DPYD: variants seen among roughly 807,000 people sequenced by gnomAD.
DPYD encodes the protein dihydropyrimidine dehydrogenase, also known as dihydropyrimidine dehydrogenase [NADP(+)].
DPYD carries 109 observed loss-of-function variants against 116.2 expected under a neutral mutation model. The observed-to-expected ratio is 0.94, with a 90% confidence interval of 0.80 to 1.10. The LOEUF (loss-of-function observed/expected upper bound fraction) is 1.10, where lower values mean the gene tolerates loss of function less well. Among genes scored for constraint, DPYD ranks in the 50% least tolerant of loss-of-function variants. The pLI is 0.00. For missense variants in DPYD, 1,302 were observed against 1,254.5 expected (o/e 1.04, Z -0.57); for synonymous variants, 440 against 432.0 (o/e 1.02, Z -0.23).
intron 3 of DPYD, among the ~76,000 whole-genome samples, chr1:97,791,974 T>C (rs969201187): frequency 2.0e-5 from 3 of 152,208 alleles, no homozygotes; most frequent in Non-Finnish European, 4.4e-5. Flanking sequence ...TATTTTGAGT[T>C]TGAGAAACCA....
At chr1:97,176,749 T>C (rs1464472843) in intron 20 of DPYD, among the ~76,000 whole-genome samples, 2 of 151,560 alleles carry the variant, frequency 1.3e-5, no homozygotes, top group Non-Finnish European at 2.9e-5. Flanking sequence ...TTGGTGAGAG[T>C]ACAGATTTGG....
At position 97,493,434 on chromosome 1, in the gene DPYD, A is replaced by T. The variant is rs545663676; in HGVS notation, c.1740+22292T>A. 2.0e-5 allele frequency among the ~76,000 whole-genome samples: 3 copies of T among 152,336 alleles called. No individual in the cohort carries two copies. In the East Asian group the frequency reaches 5.8e-4, roughly 29 times the overall value. ...CCTTTGAAATTTATTTTTGTCTTTAAAGATTTAAGAAGTAAAGGTGTGAGA... is the reference window on the plus strand; with the variant it reads ...CCTTTGAAATTTATTTTTGTCTTTATAGATTTAAGAAGTAAAGGTGTGAGA... On this transcript the variant is annotated intron_variant, in intron 13 of 22. Transcript: ENST00000370192.
At chr1:97,705,441 T>C (rs1661879499) in intron 5 of DPYD, among the ~76,000 whole-genome samples, 1 of 152,140 alleles carries the variant, frequency 6.6e-6, no homozygotes, top group Non-Finnish European at 1.5e-5. Flanking sequence ...GCTTCATCCA[T>C]GTCCCTACAA....
intron 8 of DPYD, among the ~76,000 whole-genome samples, chr1:97,636,083 AG>A (rs752693615): frequency 6.6e-6 from 1 of 152,070 alleles, no homozygotes; most frequent in East Asian, 1.9e-4. Flanking sequence ...GGCCTCCCAA[AG>A]TGCTGGGATT....
intron 16 of DPYD, among the ~76,000 whole-genome samples, chr1:97,356,827 A>G (rs1157848026): frequency 6.6e-6 from 1 of 152,198 alleles, no homozygotes; most frequent in African/African-American, 2.4e-5. Context: ...TCAATTGACT[A>G]TATATGAATA....
intron 20 of DPYD, among the ~76,000 whole-genome samples, chr1:97,138,064 C>T (rs1348763908): frequency 1.3e-5 from 2 of 152,032 alleles, no homozygotes; most frequent in Non-Finnish European, 2.9e-5. Context: ...TTTTCAGTGT[C>T]CACCAACCAC....
chr1:97,280,942 C>T (rs900742705), intron 18 of DPYD, among the ~76,000 whole-genome samples: 1 of 152,100 alleles, frequency 6.6e-6, no homozygotes, highest in South Asian at 2.1e-4. Context: ...ATGGTAATTA[C>T]CCCGATTTGA....
chr1:97,582,059 T>C (rs993030555), intron 10 of DPYD, among the ~76,000 whole-genome samples: 5 of 152,208 alleles, frequency 3.3e-5, no homozygotes, highest in Non-Finnish European at 5.9e-5. Context: ...TATCTGTTAG[T>C]TTAGGATTGC....
chr1:97,486,179 G>T (rs1447922998), intron 13 of DPYD, among the ~76,000 whole-genome samples: 2 of 152,024 alleles, frequency 1.3e-5, no homozygotes, highest in African/African-American at 4.8e-5. Context: ...CTTTTTAAAT[G>T]CTTGTTTTTG....
intron 16 of DPYD, among the ~76,000 whole-genome samples, chr1:97,341,589 A>C (rs943093268): frequency 1.3e-5 from 2 of 152,192 alleles, no homozygotes; most frequent in Non-Finnish European, 2.9e-5. Flanking sequence ...GGTGAAATTT[A>C]CATTAAAAAC....
At chr1:97,712,325 A>C (rs1416830216) in intron 5 of DPYD, among the ~76,000 whole-genome samples, 1 of 152,004 alleles carries the variant, frequency 6.6e-6, no homozygotes, top group African/African-American at 2.4e-5. Flanking sequence ...TCTGCAATTT[A>C]TGCCTCTATC....
intron 5 of DPYD, chr1:97,720,166 A>ACT: frequency 1.5e-6 from 1 of 656,652 alleles, no homozygotes; most frequent in Non-Finnish European, 1.9e-6. Context: ...TCTCTCTCTC[A>ACT]CACACACACA....
At chr1:97,699,245 C>T in intron 6 of DPYD, 106 bp downstream of exon 6, 2 of 1,137,394 alleles carry the variant, frequency 1.8e-6, no homozygotes, top group Non-Finnish European at 2.6e-6. Flanking sequence ...TTTAAAATAC[C>T]ATCTGTGAGC....
intron 5 of DPYD, among the ~76,000 whole-genome samples, chr1:97,710,176 G>A (rs1032348631): frequency 2.0e-5 from 3 of 151,754 alleles, no homozygotes; most frequent in African/African-American, 7.2e-5. Flanking sequence ...GCTCGTTTCA[G>A]TTTCTTGAGT....
intron 15 of DPYD, among the ~76,000 whole-genome samples, chr1:97,376,667 C>G (rs758530855): frequency 2.6e-5 from 4 of 152,078 alleles, no homozygotes; most frequent in African/African-American, 9.7e-5. Context: ...GTTAAATTAA[C>G]TGAAATTGGG....
At chr1:97,533,814 AC>A in intron 12 of DPYD, among the ~76,000 whole-genome samples, 1 of 152,274 alleles carries the variant, frequency 6.6e-6, no homozygotes, top group Middle Eastern at 3.4e-3. Flanking sequence ...TGAAGAGAAA[AC>A]CAGCGTAGTT....
chr1:97,801,195 G>A (rs1036359229), intron 3 of DPYD, among the ~76,000 whole-genome samples: 5 of 141,916 alleles, frequency 3.5e-5, no homozygotes, highest in South Asian at 4.5e-4. Context: ...AGTTAATCTC[G>A]TTCCACCATA....
chr1:97,391,302 G>T (rs1672693233), intron 14 of DPYD, among the ~76,000 whole-genome samples: 1 of 151,694 alleles, frequency 6.6e-6, no homozygotes, highest in South Asian at 2.1e-4. Context: ...ATTTCCATTT[G>T]TCCAAAACCA....
intron 20 of DPYD, among the ~76,000 whole-genome samples, chr1:97,105,775 C>T (rs1651092215): frequency 6.6e-6 from 1 of 152,008 alleles, no homozygotes; most frequent in Non-Finnish European, 1.5e-5. Flanking sequence ...ATCCAATGAG[C>T]AATTAATTCC....
Sources: gnomAD v4.1 joint callset for allele counts (sites outside exome capture counted in the v4.1 genomes callset) on GRCh38, gnomAD v4.1.1 for gene constraint, MANE v1.5 for transcripts, NCBI Gene and HGNC (gene_info 2026-07-23, HGNC 2026-07-21) for gene names.